MYO10: variants seen among roughly 807,000 people sequenced by gnomAD.
The protein encoded by MYO10 is unconventional myosin-X.
MYO10 carries 133 observed loss-of-function variants against 257.3 expected under a neutral mutation model. The observed-to-expected ratio is 0.52, with a 90% CI of 0.45 to 0.60. The LOEUF (loss-of-function observed/expected upper bound fraction) is 0.60. Among genes scored for constraint, MYO10 ranks in the 20% least tolerant of loss-of-function variants. MYO10 has a pLI of 0.00. For synonymous variants in MYO10, 1,104 were observed against 1,028.6 expected (o/e 1.07, Z -1.40); for missense variants, 2,399 against 2,635.7 (o/e 0.91, Z 1.97).
At chr5:16,673,933 C>G in intron 35 of MYO10, 44 bp from the exon 36 acceptor site, 2 of 1,576,552 alleles carry the variant, frequency 1.3e-6, no homozygotes, top group Non-Finnish European at 1.7e-6. Context: ...CTGATGGGGG[C>G]TGGCTGCTGG....
intron 2 of MYO10, among the ~76,000 whole-genome samples, chr5:16,826,616 C>T (rs977979715): frequency 6.6e-6 from 1 of 152,166 alleles, no homozygotes; most frequent in Non-Finnish European, 1.5e-5. Flanking sequence ...GCTGCGTGTG[C>T]GTTCTCCATG....
At chr5:16,840,737 C>A (rs1743453996) in intron 2 of MYO10, among the ~76,000 whole-genome samples, 2 of 151,866 alleles carry the variant, frequency 1.3e-5, no homozygotes, top group African/African-American at 4.8e-5. Flanking sequence ...CAAAAATATG[C>A]AAGCCCATAT....
intron 19 of MYO10, among the ~76,000 whole-genome samples, chr5:16,736,149 T>C (rs913699896): frequency 6.6e-6 from 1 of 152,238 alleles, no homozygotes; most frequent in African/African-American, 2.4e-5. Context: ...CTGCCTTCTC[T>C]ATCATCTAAC....
intron 21 of MYO10, among the ~76,000 whole-genome samples, chr5:16,706,421 C>T (rs25912): frequency 0.54 from 81,995 of 151,898 alleles, 22,371 homozygotes; most frequent in Middle Eastern, 0.59. Flanking sequence ...ATCAAAATCA[C>T]GTAGCAAAAG....
intron 2 of MYO10, among the ~76,000 whole-genome samples, chr5:16,873,705 T>C (rs1744510911): frequency 6.6e-6 from 1 of 152,216 alleles, no homozygotes; most frequent in Admixed American, 6.5e-5. Context: ...TCTGTGCACC[T>C]GCAGACTCAA....
chr5:16,805,458 CAAAAAAAAAAAAAA>C (rs36126574), intron 3 of MYO10, among the ~76,000 whole-genome samples: 1 of 78,346 alleles, frequency 1.3e-5, no homozygotes, highest in Admixed American at 1.6e-4. Flanking sequence ...GACTCCATCT[CAAAAAAAAAAAAAA>C]AAAAAAAAGA....
intron 2 of MYO10, among the ~76,000 whole-genome samples, chr5:16,840,635 A>G (rs1330920047): frequency 1.3e-5 from 2 of 152,128 alleles, no homozygotes; most frequent in Non-Finnish European, 1.5e-5. Context: ...CATACACATA[A>G]ATGCATATGT....
At chr5:16,903,219 A>C (rs903924442) in intron 1 of MYO10, among the ~76,000 whole-genome samples, 1 of 152,256 alleles carries the variant, frequency 6.6e-6, no homozygotes, top group Admixed American at 6.5e-5. Flanking sequence ...AGCCTGACCA[A>C]CATGGTGAAA....
intron 19 of MYO10, among the ~76,000 whole-genome samples, chr5:16,745,372 C>G (rs7729975): frequency 0.18 from 27,775 of 151,944 alleles, 3,272 homozygotes; most frequent in African/African-American, 0.3. Flanking sequence ...CCCATGAACA[C>G]TAAGGGCTTA....
At chr5:16,676,270 G>A (rs1736720350) in intron 33 of MYO10, 116 bp from the exon 34 acceptor site, 2 of 1,255,068 alleles carry the variant, frequency 1.6e-6, no homozygotes, top group South Asian at 1.4e-5. Flanking sequence ...TGGAAATCCA[G>A]TGTTAGGTGG....
chr5:16,821,618 C>G (rs1280088208), intron 2 of MYO10, among the ~76,000 whole-genome samples: 3 of 151,622 alleles, frequency 2.0e-5, no homozygotes, highest in East Asian at 3.9e-4. Flanking sequence ...AGGCGCCCAC[C>G]ACCACGCCCA....
intron 21 of MYO10, chr5:16,710,597 C>T (rs1738554806): frequency 2.9e-6 from 1 of 347,222 alleles, no homozygotes; most frequent in Non-Finnish European, 5.4e-6. Flanking sequence ...CTGCCTCCTA[C>T]TTCCAAAGTA....
Position 16,870,767 on chromosome 5 carries a change from C to T in MYO10, c.120+6842G>A, listed in dbSNP as rs186261522. Among the ~76,000 whole-genome samples the T allele has an allele frequency of 5.3e-3, 810 of 152,220 alleles. 10 individuals carry two copies. The highest frequency in any genetic ancestry group is 0.019 in the African/African-American group (780 of 41,540). ...ATTAGCCGGGCATGGTGGCATGCGCCTGTAATCCCAGCTACTCAGGAGGCT... is the reference window on the plus strand; with the variant it reads ...ATTAGCCGGGCATGGTGGCATGCGCTTGTAATCCCAGCTACTCAGGAGGCT... On this transcript the variant is annotated intron_variant, in intron 2 of 40. Transcript: ENST00000513610.
chr5:16,683,898 G>A lies in MYO10; in HGVS notation c.4028C>T (p.Ala1343Val). The change falls in exon 30 of 41, where the codon GCC (alanine) becomes GTC (valine). Residue 1343 changes from alanine (A) to valine (V), a missense_variant. Coordinates refer to ENST00000513610, the MANE Select transcript of MYO10 (RefSeq NM_012334.3). ...LDVGLIDSVC[A>V]SDSPDRPNSF... is the part of the protein sequence containing the mutation. ...AGCTTACCTATCAGGGCTGTCAGAG[G>A]CACACACAGAATCAATCAGCCCCAC... 1 of 1,613,730 alleles carries A rather than the reference G, an allele frequency of 6.2e-7. No individual in the cohort carries two copies. The highest frequency in any genetic ancestry group is 8.5e-7 in the Non-Finnish European group (1 of 1,179,826).
rs539861920 is a variant in MYO10, at chr5:16,662,618, G to A, written c.*4074C>T. ...ATTACAGGCGTGAGCCAGCATGCCT[G>A]GCTGAAACTATTTTTACAGAGAACT... is the stretch of plus-strand genomic sequence containing the variant. On this transcript the variant is annotated 3_prime_UTR_variant, in exon 41 of 41. Coordinates refer to ENST00000513610, the MANE Select transcript of MYO10 (RefSeq NM_012334.3). 7 of 151,992 alleles carry A rather than the reference G, an allele frequency of 4.6e-5. No homozygotes were observed. The highest frequency in any genetic ancestry group is 3.3e-4 in the Admixed American group (5 of 15,250). The allele number at this position is 151,992 out of a possible 1,614,324, so 9.4% of individuals were successfully genotyped here.
chr5:16,854,753 C>T (rs972949342), intron 2 of MYO10, among the ~76,000 whole-genome samples: 6 of 152,078 alleles, frequency 3.9e-5, no homozygotes, highest in Admixed American at 3.9e-4. Context: ...AACTATTGGC[C>T]GGGCATGGTG....
intron 1 of MYO10, among the ~76,000 whole-genome samples, chr5:16,878,024 T>C (rs1419010174): frequency 6.6e-6 from 1 of 152,170 alleles, no homozygotes; most frequent in Non-Finnish European, 1.5e-5. Context: ...ACTATGACCA[T>C]TCCCATTTTA....
intron 1 of MYO10, among the ~76,000 whole-genome samples, chr5:16,882,515 A>T (rs184158559): frequency 1.3e-5 from 2 of 152,310 alleles, no homozygotes; most frequent in Non-Finnish European, 2.9e-5. Context: ...AGGTCTAGTA[A>T]CTGGTATAGA....
chr5:16,672,032 C>T (rs530106450), intron 37 of MYO10, among the ~76,000 whole-genome samples: 11 of 152,300 alleles, frequency 7.2e-5, no homozygotes, highest in African/African-American at 2.4e-4. Context: ...CAGTGGCTCA[C>T]GCCTGTAATC....
Sources: gnomAD v4.1 joint callset for allele counts (sites outside exome capture counted in the v4.1 genomes callset) on GRCh38, gnomAD v4.1.1 for gene constraint, MANE v1.5 for transcripts, NCBI Gene and HGNC (gene_info 2026-07-23, HGNC 2026-07-21) for gene names.